Variants in TENM1 observed in about 807,000 individuals in gnomAD.
TENM1 encodes teneurin transmembrane protein 1, also known as teneurin-1.
A neutral mutation model predicts 174.8 loss-of-function variants in TENM1; 35 were observed. The ratio of observed to expected loss-of-function variants is 0.20; its 90% CI spans 0.15 to 0.27. The LOEUF is 0.27. Among genes scored for constraint, TENM1 ranks in the 10% least tolerant of loss-of-function variants. The pLI, the probability that TENM1 is intolerant of heterozygous loss-of-function variation, is 1.00. For missense variants in TENM1, 1,633 were observed against 2,130.1 expected (o/e 0.77, Z 4.59); for synonymous variants, 781 against 798.7 (o/e 0.98, Z 0.37).
the TENM1 span, among the ~76,000 whole-genome samples, chrX:125,129,820 C>A: frequency 9.0e-6 from 1 of 111,232 alleles, no homozygotes; most frequent in South Asian, 3.8e-4. Context: ...TGTATATATA[C>A]CACATTTTCT....
intron 11 of TENM1, among the ~76,000 whole-genome samples, chrX:124,621,716 T>C (rs949994336): frequency 2.7e-5 from 3 of 112,392 alleles, no homozygotes; most frequent in Middle Eastern, 4.6e-3. Context: ...GGAGCAGTTC[T>C]GATTTCAGAT....
At chrX:124,796,918 A>G (rs1019901056) in intron 3 of TENM1, among the ~76,000 whole-genome samples, 1 of 111,787 alleles carries the variant, frequency 8.9e-6, no homozygotes, top group East Asian at 2.8e-4. Flanking sequence ...TACAATGAGT[A>G]TTTCTAGATT....
intron 21 of TENM1, among the ~76,000 whole-genome samples, chrX:124,483,033 T>C (rs902453291): frequency 2.7e-5 from 3 of 112,374 alleles, no homozygotes; most frequent in African/African-American, 6.5e-5. Flanking sequence ...CTGGAATATT[T>C]TCTATAGATC....
intron 3 of TENM1, among the ~76,000 whole-genome samples, chrX:124,787,062 C>T (rs868745229): frequency 2.6e-4 from 29 of 111,535 alleles, no homozygotes; most frequent in Middle Eastern, 4.6e-3. Context: ...TCATTCAATA[C>T]CCTGTTTTAT....
At chrX:124,581,112 T>C (rs1338625966) in intron 11 of TENM1, among the ~76,000 whole-genome samples, 1 of 98,243 alleles carries the variant, frequency 1.0e-5, no homozygotes, top group Admixed American at 1.2e-4. Flanking sequence ...TCACCCAGGC[T>C]GGAGTGCAGT....
chrX:125,192,833 A>G, the TENM1 span, among the ~76,000 whole-genome samples: 1 of 111,851 alleles, frequency 8.9e-6, no homozygotes, highest in Non-Finnish European at 1.9e-5. Context: ...CCCTCTTAAA[A>G]TTGTAAGTGT....
At chrX:124,467,900 A>T (rs2061257851) in intron 22 of TENM1, among the ~76,000 whole-genome samples, 1 of 110,295 alleles carries the variant, frequency 9.1e-6, no homozygotes. Flanking sequence ...CTAGGATTAC[A>T]GGCACACGCC....
the TENM1 span, among the ~76,000 whole-genome samples, chrX:125,101,659 G>T: frequency 2.7e-5 from 3 of 111,994 alleles, no homozygotes; most frequent in African/African-American, 9.7e-5. Flanking sequence ...TAGTGATTCT[G>T]CCCATTGCTC....
the TENM1 span, among the ~76,000 whole-genome samples, chrX:125,170,608 T>C: frequency 9.0e-6 from 1 of 111,207 alleles, no homozygotes; most frequent in Non-Finnish European, 1.9e-5. Context: ...ATTCTGAAGA[T>C]TTCACGACAG....
chrX:124,490,618 T>C lies in TENM1; in HGVS notation c.3696-3389A>G, dbSNP rs535713525. ...ATTTTCATATCACATTGACATTTGT[T>C]GAATCCAAATTACTCAAGATACCAA... On this transcript the variant is annotated intron_variant, in intron 20 of 31. Coordinates refer to ENST00000422452, the Ensembl canonical transcript of TENM1. 2.2e-3 allele frequency among the ~76,000 whole-genome samples: 250 copies of C among 112,408 alleles called. 1 individual carries two copies. The highest frequency in any genetic ancestry group is 0.014 in the Middle Eastern group (3 of 216).
the TENM1 span, among the ~76,000 whole-genome samples, chrX:125,094,190 T>G: frequency 8.9e-6 from 1 of 112,257 alleles, no homozygotes; most frequent in African/African-American, 3.2e-5. Context: ...CTATTGAATT[T>G]GTTCTCTGAG....
intron 27 of TENM1, among the ~76,000 whole-genome samples, chrX:124,399,951 GACAAAAA>G (rs911920514): frequency 2.7e-5 from 3 of 110,938 alleles, no homozygotes; most frequent in Middle Eastern, 8.4e-3. Flanking sequence ...CACTCTGGGA[GACAAAAA>G]ACAAAAAAAC....
intron 1 of TENM1, among the ~76,000 whole-genome samples, chrX:124,911,239 A>G (rs756657649): frequency 9.0e-6 from 1 of 111,539 alleles, no homozygotes; most frequent in Non-Finnish European, 1.9e-5. Context: ...AGAGCACTTC[A>G]ACCCTTAGTT....
intron 3 of TENM1, among the ~76,000 whole-genome samples, chrX:124,749,606 G>A (rs778026119): frequency 6.2e-4 from 69 of 112,180 alleles, no homozygotes; most frequent in South Asian, 1.5e-3. Flanking sequence ...CGTTTGAAGT[G>A]TCAGGAATGC....
the TENM1 span, among the ~76,000 whole-genome samples, chrX:125,022,630 C>G: frequency 5.4e-5 from 6 of 111,214 alleles, no homozygotes; most frequent in African/African-American, 2.0e-4. Flanking sequence ...ACTTTAAGAG[C>G]ATTCTTATGA....
the TENM1 span, among the ~76,000 whole-genome samples, chrX:125,009,450 G>A: frequency 9.0e-6 from 1 of 111,258 alleles, no homozygotes; most frequent in African/African-American, 3.3e-5. Flanking sequence ...TTCTACCAGA[G>A]GTACAAAGAG....
At chrX:125,138,881 G>A in the TENM1 span, among the ~76,000 whole-genome samples, 2 of 110,548 alleles carry the variant, frequency 1.8e-5, no homozygotes, top group East Asian at 5.7e-4. Context: ...TGATTTGCCC[G>A]AATCCCCCAT....
the TENM1 span, among the ~76,000 whole-genome samples, chrX:125,143,200 G>C: frequency 9.0e-6 from 1 of 111,487 alleles, no homozygotes; most frequent in Non-Finnish European, 1.9e-5. Context: ...ATTAGTCTTA[G>C]AGTCAGAGAT....
At chrX:124,933,247 GA>G (rs746683708) in intron 1 of TENM1, among the ~76,000 whole-genome samples, 2 of 111,922 alleles carry the variant, frequency 1.8e-5, no homozygotes, top group South Asian at 7.5e-4. Flanking sequence ...ACACTGCCAA[GA>G]AGGTGTTAAT....
Sources: gnomAD v4.1 joint callset for allele counts (sites outside exome capture counted in the v4.1 genomes callset) on GRCh38, gnomAD v4.1.1 for gene constraint, MANE v1.5 for transcripts, NCBI Gene and HGNC (gene_info 2026-07-23, HGNC 2026-07-21) for gene names.